The following LRRC4C variants were observed in gnomAD, a reference collection of about 807,000 sequenced individuals.
LRRC4C encodes leucine rich repeat containing 4C.
In LRRC4C, 5 loss-of-function variants were observed where a neutral mutation model predicts 33.6. That is an observed-to-expected ratio of 0.15 (90% CI 0.08 to 0.31). LRRC4C has a LOEUF of 0.31. Among genes scored for constraint, LRRC4C ranks in the 10% least tolerant of loss-of-function variants. The pLI, the probability that LRRC4C is intolerant of heterozygous loss-of-function variation, is 1.00. For missense variants in LRRC4C, 560 were observed against 796.7 expected (o/e 0.70, Z 3.58); for synonymous variants, 329 against 302.0 (o/e 1.09, Z -0.93).
At chr11:40,233,564 T>A (rs2034642) in intron 5 of LRRC4C, among the ~76,000 whole-genome samples, 89,337 of 151,686 alleles carry the variant, frequency 0.59, 29,028 homozygotes, top group East Asian at 0.78. Flanking sequence ...AGTATTTTTT[T>A]AAAAAAGACA....
At chr11:41,145,081 G>A (rs1041321560) in intron 1 of LRRC4C, among the ~76,000 whole-genome samples, 1 of 152,134 alleles carries the variant, frequency 6.6e-6, no homozygotes, top group African/African-American at 2.4e-5. Flanking sequence ...ATAAGCATAC[G>A]TAATACATTG....
At position 40,349,485 on chromosome 11, in the gene LRRC4C, C is replaced by T. The variant is rs1007434083; in HGVS notation, c.-269-29764G>A. Among the ~76,000 whole-genome samples, 133 of 151,910 alleles carry T rather than the reference C, an allele frequency of 8.8e-4. 1 individual carries two copies. Among genetic ancestry groups the T allele is most frequent in the Non-Finnish European group, 1.4e-3 (92 of 67,984 alleles). ...TCCATTCATCTGTTGGTGAACACTTCGGTTGCTTCCAAATCTTGGCTATTG... is the reference window on the plus strand; with the variant it reads ...TCCATTCATCTGTTGGTGAACACTTTGGTTGCTTCCAAATCTTGGCTATTG... On this transcript the variant is annotated intron_variant, in intron 3 of 6. Coordinates refer to ENST00000528697, the MANE Select transcript of LRRC4C (RefSeq NM_001258419.2).
At chr11:40,330,813 T>C (rs925809792) in intron 3 of LRRC4C, among the ~76,000 whole-genome samples, 3 of 152,144 alleles carry the variant, frequency 2.0e-5, no homozygotes, top group African/African-American at 7.2e-5. Context: ...CAACCCAAGA[T>C]AAGATTTGGG....
At chr11:40,535,226 G>GA (rs1384214012) in intron 3 of LRRC4C, among the ~76,000 whole-genome samples, 2 of 152,008 alleles carry the variant, frequency 1.3e-5, no homozygotes, top group African/African-American at 4.8e-5. Flanking sequence ...AACAGACTTC[G>GA]AAAATAGGTT....
chr11:40,979,137 G>A (rs543130464), intron 1 of LRRC4C, among the ~76,000 whole-genome samples: 1 of 152,102 alleles, frequency 6.6e-6, no homozygotes, highest in Non-Finnish European at 1.5e-5. Flanking sequence ...AGCTTTTCCT[G>A]AATTCTCATA....
At chr11:40,737,654 A>G (rs542386752) in intron 2 of LRRC4C, among the ~76,000 whole-genome samples, 1 of 152,186 alleles carries the variant, frequency 6.6e-6, no homozygotes, top group African/African-American at 2.4e-5. Flanking sequence ...CTAGGAATAC[A>G]ACTTACAAGG....
chr11:40,655,843 T>A (rs1200560415), intron 2 of LRRC4C, among the ~76,000 whole-genome samples: 1 of 152,172 alleles, frequency 6.6e-6, no homozygotes, highest in Non-Finnish European at 1.5e-5. Flanking sequence ...TCTGCATGGC[T>A]TGGGAGACCT....
At chr11:41,241,262 G>A (rs1948238456) in intron 1 of LRRC4C, among the ~76,000 whole-genome samples, 1 of 152,074 alleles carries the variant, frequency 6.6e-6, no homozygotes, top group Non-Finnish European at 1.5e-5. Context: ...GATTCTTTGG[G>A]ACCTATCATA....
chr11:40,653,399 A>G (rs531363355), intron 2 of LRRC4C, among the ~76,000 whole-genome samples: 1 of 152,306 alleles, frequency 6.6e-6, no homozygotes, highest in East Asian at 1.9e-4. Context: ...ACTTGTTGGG[A>G]ACTGTGGTAA....
intron 5 of LRRC4C, among the ~76,000 whole-genome samples, chr11:40,214,070 G>A (rs998028722): frequency 2.6e-5 from 4 of 152,116 alleles, no homozygotes; most frequent in African/African-American, 9.7e-5. Flanking sequence ...ACTAAATTGT[G>A]TCACCTTTCC....
At chr11:40,307,390 G>C (rs1192977189) in intron 4 of LRRC4C, among the ~76,000 whole-genome samples, 1 of 152,108 alleles carries the variant, frequency 6.6e-6, no homozygotes. Flanking sequence ...GTCCTGAATT[G>C]TCCTGCTCCC....
intron 3 of LRRC4C, among the ~76,000 whole-genome samples, chr11:40,551,417 T>C (rs1430666880): frequency 6.6e-6 from 1 of 152,158 alleles, no homozygotes; most frequent in Non-Finnish European, 1.5e-5. Flanking sequence ...CTAAGGAGAA[T>C]AGAAAAAGTC....
intron 3 of LRRC4C, among the ~76,000 whole-genome samples, chr11:40,541,537 C>A (rs1275563374): frequency 1.3e-5 from 2 of 152,096 alleles, no homozygotes; most frequent in Non-Finnish European, 2.9e-5. Flanking sequence ...TGGACAATGA[C>A]CTTGCCTTGG....
intron 2 of LRRC4C, among the ~76,000 whole-genome samples, chr11:40,679,918 A>T (rs1161829291): frequency 6.6e-6 from 1 of 152,166 alleles, no homozygotes; most frequent in African/African-American, 2.4e-5. Flanking sequence ...GGAATGGTAG[A>T]TCCACTGATA....
chr11:41,408,690 C>T (rs913488708), intron 1 of LRRC4C, among the ~76,000 whole-genome samples: 28 of 149,376 alleles, frequency 1.9e-4, no homozygotes, highest in Admixed American at 7.3e-4. Flanking sequence ...AAATTTTACT[C>T]GCTGCTTTAG....
At chr11:41,008,596 T>C (rs995116592) in intron 1 of LRRC4C, among the ~76,000 whole-genome samples, 5 of 152,178 alleles carry the variant, frequency 3.3e-5, no homozygotes, top group African/African-American at 1.2e-4. Flanking sequence ...AAGAGTCTTT[T>C]GTGATGAGTT....
chr11:41,458,144 G>T (rs1289446135), intron 1 of LRRC4C, among the ~76,000 whole-genome samples: 1 of 151,984 alleles, frequency 6.6e-6, no homozygotes, highest in Non-Finnish European at 1.5e-5. Flanking sequence ...TCTATACATA[G>T]ACATCAACAG....
At chr11:41,369,446 T>G in intron 1 of LRRC4C, among the ~76,000 whole-genome samples, 1 of 152,030 alleles carries the variant, frequency 6.6e-6, no homozygotes, top group African/African-American at 2.4e-5. Flanking sequence ...TACACTAGGC[T>G]TCATACCTGG....
At chr11:41,383,366 T>C (rs923551870) in intron 1 of LRRC4C, among the ~76,000 whole-genome samples, 5 of 152,072 alleles carry the variant, frequency 3.3e-5, no homozygotes, top group Non-Finnish European at 7.4e-5. Context: ...TCAATCTTAG[T>C]TGTGGAAGCG....
Sources: gnomAD v4.1 joint callset for allele counts (sites outside exome capture counted in the v4.1 genomes callset) on GRCh38, gnomAD v4.1.1 for gene constraint, MANE v1.5 for transcripts, NCBI Gene and HGNC (gene_info 2026-07-23, HGNC 2026-07-21) for gene names.